Variants in USP31 observed in about 807,000 individuals in gnomAD.
USP31 encodes ubiquitin specific peptidase 31, also known as ubiquitin carboxyl-terminal hydrolase 31.
USP31 carries 44 observed loss-of-function variants against 119.4 expected under a neutral mutation model. The observed-to-expected ratio is 0.37, with a 90% CI of 0.29 to 0.47. The LOEUF (loss-of-function observed/expected upper bound fraction) is 0.47, where lower values mean the gene tolerates loss of function less well. Ranked by LOEUF, USP31 falls within the 20% of genes least tolerant of loss-of-function variation. USP31 has a pLI of 0.99. For missense variants in USP31, 1,643 were observed against 1,730.2 expected, an observed-to-expected ratio of 0.95 and a Z score of 0.89; for synonymous variants, 749 against 705.6, an observed-to-expected ratio of 1.06 and a Z score of -0.97.
At chr16:23,125,148 A>G (rs1902810718) in intron 1 of USP31, among the ~76,000 whole-genome samples, 1 of 152,184 alleles carries the variant, frequency 6.6e-6, no homozygotes, top group African/African-American at 2.4e-5. Context: ...AAATGTTTTC[A>G]CCACTCAGGT....
At chr16:23,147,698 G>A (rs567031112) in intron 1 of USP31, among the ~76,000 whole-genome samples, 2 of 152,204 alleles carry the variant, frequency 1.3e-5, no homozygotes, top group African/African-American at 2.4e-5. Context: ...AGGCCAAAGC[G>A]GGGAGAGTGG....
chr16:23,081,568 C>T (rs554266210), intron 12 of USP31, among the ~76,000 whole-genome samples: 1 of 152,144 alleles, frequency 6.6e-6, no homozygotes, highest in African/African-American at 2.4e-5. Context: ...ATTCTTGTAG[C>T]CTCTAATCTG....
intron 1 of USP31, among the ~76,000 whole-genome samples, chr16:23,133,114 T>C (rs1268453950): frequency 1.3e-5 from 2 of 152,210 alleles, no homozygotes; most frequent in African/African-American, 4.8e-5. Context: ...AATACTATTA[T>C]GTGAGGCAAC....
At chr16:23,079,847 C>T (rs994991530) in intron 13 of USP31, 99 bp downstream of exon 13, 25 of 1,156,894 alleles carry the variant, frequency 2.2e-5, no homozygotes, top group Middle Eastern at 2.3e-4. Context: ...CACTGCCTAC[C>T]GGAGGGGAAA....
rs1900039858 is a variant in USP31, at chr16:23,065,735, C to T, written c.*2311G>A. 6.6e-6 allele frequency: 1 copy of T among 151,912 alleles called. No homozygotes were observed. The highest frequency in any genetic ancestry group is 6.6e-5 in the Admixed American group (1 of 15,258). 9.4% of individuals were successfully genotyped at this position (151,912 alleles called of 1,614,324 possible). A position where few individuals can be genotyped will look rare whatever the true frequency, so the allele number is the denominator to read the frequency against. On this transcript the variant is annotated 3_prime_UTR_variant, in exon 16 of 16. Coordinates refer to ENST00000219689, the MANE Select transcript of USP31 (RefSeq NM_020718.4). The stretch of plus-strand genomic sequence containing the variant: ...TAAGTCACTAGACATCGTGGAAAAT[C>T]CATTCCTAGATAACTCAAGAATAAA...
chr16:23,080,398 A>T (rs4967967), intron 12 of USP31, among the ~76,000 whole-genome samples: 34,914 of 152,012 alleles, frequency 0.23, 4,784 homozygotes, highest in Admixed American at 0.31. Context: ...AGAGGGGGTA[A>T]ATGAGCCTCT....
chr16:23,119,988 G>C (rs572777046), intron 1 of USP31, among the ~76,000 whole-genome samples: 15 of 152,260 alleles, frequency 9.9e-5, no homozygotes, highest in African/African-American at 3.1e-4. Flanking sequence ...AAGTGGCCAA[G>C]ACTTGCTGAC....
At chr16:23,147,617 G>A (rs984680959) in intron 1 of USP31, among the ~76,000 whole-genome samples, 5 of 152,204 alleles carry the variant, frequency 3.3e-5, no homozygotes, top group Admixed American at 6.5e-5. Context: ...AACAGCAAAG[G>A]AGGGCTTGGC....
chr16:23,070,700 C>CA (rs1900310302), intron 15 of USP31, among the ~76,000 whole-genome samples: 1 of 150,492 alleles, frequency 6.6e-6, no homozygotes, highest in African/African-American at 2.5e-5. Flanking sequence ...GAGACAGAGA[C>CA]AGACTCCGTT....
At chr16:23,087,006 G>T in intron 9 of USP31, 86 bp downstream of exon 9, 1 of 1,025,032 alleles carries the variant, frequency 9.8e-7, no homozygotes, top group Non-Finnish European at 1.4e-6. Flanking sequence ...GCACACTTAT[G>T]TGGAAATTAT....
At chr16:23,132,245 A>C (rs540443519) in intron 1 of USP31, among the ~76,000 whole-genome samples, 22 of 152,230 alleles carry the variant, frequency 1.4e-4, no homozygotes, top group Non-Finnish European at 2.5e-4. Flanking sequence ...AGCAAACAAT[A>C]ATATTTTTGA....
At chr16:23,118,793 T>A (rs1478419909) in intron 1 of USP31, among the ~76,000 whole-genome samples, 1 of 152,106 alleles carries the variant, frequency 6.6e-6, no homozygotes, top group African/African-American at 2.4e-5. Context: ...TTATTGCTTA[T>A]AGATGTTATT....
intron 1 of USP31, among the ~76,000 whole-genome samples, chr16:23,109,559 C>T (rs1447425286): frequency 2.0e-5 from 3 of 152,094 alleles, no homozygotes; most frequent in Non-Finnish European, 4.4e-5. Flanking sequence ...GAGCTTACCA[C>T]CCCTACACCT....
chr16:23,071,747 G>A (rs1441005997), intron 15 of USP31, among the ~76,000 whole-genome samples: 37 of 145,702 alleles, frequency 2.5e-4, no homozygotes, highest in South Asian at 4.3e-4. Flanking sequence ...AACACTTTGG[G>A]AAAAAAAAAA....
At chr16:23,077,138 G>C (rs867697110) in intron 13 of USP31, among the ~76,000 whole-genome samples, 1 of 152,192 alleles carries the variant, frequency 6.6e-6, no homozygotes, top group African/African-American at 2.4e-5. Flanking sequence ...CTTCTATGAA[G>C]TGAGAGCATC....
At position 23,066,251 on chromosome 16, in the gene USP31, A is replaced by C. The variant is rs1460800936; in HGVS notation, c.*1795T>G. 1 of 152,644 alleles carries C rather than the reference A, an allele frequency of 6.6e-6. No individual in the cohort carries two copies. The highest frequency in any genetic ancestry group is 1.5e-5 in the Non-Finnish European group (1 of 68,044). The allele number at this position is 152,644 out of a possible 1,614,324, so 9.5% of individuals were successfully genotyped here. ...GCACTGTGGTAACTTTCACAAGGCT[A>C]AATGTCTAAATCTTAAATACTGCCA... is the stretch of plus-strand genomic sequence containing the variant. On this transcript the variant is annotated 3_prime_UTR_variant, in exon 16 of 16. Transcript: ENST00000219689.
intron 1 of USP31, among the ~76,000 whole-genome samples, chr16:23,147,142 C>T (rs1903537109): frequency 1.3e-5 from 2 of 152,074 alleles, no homozygotes; most frequent in Non-Finnish European, 2.9e-5. Flanking sequence ...GATAGAGTTT[C>T]CTGTTGCCCA....
chr16:23,102,512 T>A, intron 5 of USP31, 49 bp from the exon 6 acceptor site: 9 of 1,576,548 alleles, frequency 5.7e-6, no homozygotes, highest in Non-Finnish European at 6.9e-6. Flanking sequence ...AATTCGATAC[T>A]AATTGATCTC....
At chr16:23,081,670 G>A (rs920603574) in intron 12 of USP31, among the ~76,000 whole-genome samples, 2 of 152,078 alleles carry the variant, frequency 1.3e-5, no homozygotes, top group African/African-American at 2.4e-5. Context: ...ATCCTACTCC[G>A]CCCCCAAAGG....
Sources: gnomAD v4.1 joint callset for allele counts (sites outside exome capture counted in the v4.1 genomes callset) on GRCh38, gnomAD v4.1.1 for gene constraint, MANE v1.5 for transcripts, NCBI Gene and HGNC (gene_info 2026-07-23, HGNC 2026-07-21) for gene names.